The following RIMS1 variants were observed in gnomAD, a reference collection of about 807,000 sequenced individuals.
RIMS1 encodes the protein regulating synaptic membrane exocytosis 1, also known as regulating synaptic membrane exocytosis protein 1.
RIMS1 carries 83 observed loss-of-function variants against 214.1 expected under a neutral mutation model. The ratio of observed to expected loss-of-function variants is 0.39; its 90% confidence interval spans 0.32 to 0.47. The LOEUF (loss-of-function observed/expected upper bound fraction) is 0.47, where lower values mean the gene tolerates loss of function less well. Among genes scored for constraint, RIMS1 ranks in the 20% least tolerant of loss-of-function variants. The pLI, the probability that RIMS1 is intolerant of heterozygous loss-of-function variation, is 0.99. For synonymous variants in RIMS1, 793 were observed against 786.8 expected (o/e 1.01, Z -0.13); for missense variants, 2,050 against 2,161.8 (o/e 0.95, Z 1.03).
intron 22 of RIMS1, among the ~76,000 whole-genome samples, chr6:72,268,346 T>C (rs775650757): frequency 6.6e-6 from 1 of 152,188 alleles, no homozygotes; most frequent in Non-Finnish European, 1.5e-5. Context: ...ATTGTATTAA[T>C]GCCTAATATA....
At chr6:72,241,608 A>C (rs2066951224) in intron 9 of RIMS1, among the ~76,000 whole-genome samples, 1 of 152,102 alleles carries the variant, frequency 6.6e-6, no homozygotes, top group Admixed American at 6.6e-5. Flanking sequence ...GTTATTTTAA[A>C]GTGTGTTCTA....
intron 1 of RIMS1, among the ~76,000 whole-genome samples, chr6:71,949,496 A>G (rs1286632418): frequency 6.6e-6 from 1 of 152,152 alleles, no homozygotes; most frequent in Non-Finnish European, 1.5e-5. Flanking sequence ...AATGTTTCAA[A>G]TTTGTCACTT....
chr6:72,242,348 G>C lies in RIMS1; in HGVS notation c.1992G>C (p.Leu664=), dbSNP rs200595183. 9.6e-6 allele frequency: 15 copies of C among 1,564,508 alleles called. No homozygotes were observed. The highest frequency in any genetic ancestry group is 3.5e-5 in the South Asian group (3 of 84,868). ...TTCTAGAATGGAATGGTAAACCCCT[G>C]CCGGGAGCTACAAATGAAGAAGTTT... ...DEVLEWNGKP[L]PGATNEEVYN... The change falls in exon 10 of 34, where the codon CTG becomes CTC. Residue 664 remains leucine, a synonymous_variant. Transcript: ENST00000521978.
chr6:72,313,559 A>G lies in RIMS1; in HGVS notation c.4017A>G (p.Ser1339=). The change falls in exon 28 of 34, where the codon TCA becomes TCG. Residue 1339 remains serine (S), a synonymous_variant. Transcript: ENST00000521978. Reference sequence around the variant, plus strand: ...GCTGTGATAACGTCTCTGCCAAATCATCAGATAGTGATGTCAGTGATGTTT... The same window carrying G: ...GCTGTGATAACGTCTCTGCCAAATCGTCAGATAGTGATGTCAGTGATGTTT... ...YRSCDNVSAK[S]SDSDVSDVSA... is the part of the protein sequence containing the mutation. The G allele has an allele frequency of 1.2e-6, 2 of 1,613,796 alleles. No individual in the cohort carries two copies. Among genetic ancestry groups the G allele is most frequent in the Non-Finnish European group, 1.7e-6 (2 of 1,179,804 alleles).
intron 29 of RIMS1, among the ~76,000 whole-genome samples, chr6:72,334,476 G>T (rs1184535382): frequency 1.3e-5 from 2 of 151,840 alleles, no homozygotes; most frequent in African/African-American, 4.8e-5. Flanking sequence ...ATACAAAAGG[G>T]AGAGTGGCTA....
intron 19 of RIMS1, chr6:72,263,328 T>C (rs2078901861): frequency 1.0e-6 from 1 of 985,186 alleles, no homozygotes; most frequent in East Asian, 1.1e-4. Flanking sequence ...TATAGTTGCC[T>C]TACTGTATCC....
chr6:72,121,669 G>A (rs542537995), intron 4 of RIMS1, among the ~76,000 whole-genome samples: 10 of 151,870 alleles, frequency 6.6e-5, no homozygotes, highest in Admixed American at 1.3e-4. Flanking sequence ...GATTGCCCTG[G>A]TCAGAACTTC....
intron 1 of RIMS1, among the ~76,000 whole-genome samples, chr6:71,892,953 A>C (rs1361928616): frequency 1.3e-5 from 2 of 152,190 alleles, no homozygotes; most frequent in Non-Finnish European, 2.9e-5. Flanking sequence ...TTGTCAAGAT[A>C]ATCCATCCAA....
chr6:72,272,015 A>G (rs948406336), intron 22 of RIMS1, among the ~76,000 whole-genome samples: 15 of 152,174 alleles, frequency 9.9e-5, no homozygotes. Flanking sequence ...ATGAATTTAG[A>G]ATACCTGATA....
At chr6:72,393,026 A>C (rs1235532997) in intron 31 of RIMS1, among the ~76,000 whole-genome samples, 7 of 151,784 alleles carry the variant, frequency 4.6e-5, no homozygotes, top group Non-Finnish European at 1.5e-5. Context: ...TATTTGAATT[A>C]CCAGAAACCC....
At chr6:72,267,041 C>G (rs1383682425) in intron 22 of RIMS1, among the ~76,000 whole-genome samples, 1 of 151,828 alleles carries the variant, frequency 6.6e-6, no homozygotes. Context: ...GTGTATATAC[C>G]TTGTTTTAGT....
At chr6:72,193,366 A>T (rs1423397561) in intron 6 of RIMS1, among the ~76,000 whole-genome samples, 4 of 152,234 alleles carry the variant, frequency 2.6e-5, no homozygotes, top group Non-Finnish European at 4.4e-5. Context: ...GTTCCTCTTA[A>T]CATAAATGAT....
At chr6:72,005,619 A>G (rs1807209115) in intron 2 of RIMS1, among the ~76,000 whole-genome samples, 1 of 152,334 alleles carries the variant, frequency 6.6e-6, no homozygotes, top group East Asian at 1.9e-4. Flanking sequence ...AGGTACCAGG[A>G]AAGACACTGA....
intron 1 of RIMS1, among the ~76,000 whole-genome samples, chr6:71,955,717 A>T (rs1420575782): frequency 1.3e-5 from 2 of 152,106 alleles, no homozygotes; most frequent in Admixed American, 1.3e-4. Context: ...TGAGTCTAGG[A>T]GTGCATATTT....
At chr6:71,983,526 G>A (rs1799047359) in intron 2 of RIMS1, among the ~76,000 whole-genome samples, 2 of 150,684 alleles carry the variant, frequency 1.3e-5, no homozygotes, top group South Asian at 4.2e-4. Flanking sequence ...TTTTTCTTTT[G>A]AGAAAATTTG....
chr6:72,259,516 C>G (rs2077114537), intron 18 of RIMS1, among the ~76,000 whole-genome samples: 1 of 151,890 alleles, frequency 6.6e-6, no homozygotes, highest in African/African-American at 2.4e-5. Context: ...TGGATACATG[C>G]CATTTGAAAG....
At chr6:72,215,761 G>A (rs1488003353) in intron 6 of RIMS1, among the ~76,000 whole-genome samples, 1 of 152,162 alleles carries the variant, frequency 6.6e-6, no homozygotes, top group Non-Finnish European at 1.5e-5. Flanking sequence ...GATTCTGAGT[G>A]AGACCGTAAA....
rs1344686892 is a variant in RIMS1 at position 72,251,070 on chromosome 6, A to T, written c.2522A>T (p.Glu841Val). ...TVWDQPRVQE[E>V]ESEFLGEILI... is the part of the protein sequence containing the mutation. The stretch of plus-strand genomic sequence containing the variant: ...TGGGACCAACCAAGAGTGCAAGAAG[A>T]AGAAAGTGAATTTCTTGGAGAGGTG... Residue 841 changes from glutamate to valine, a missense_variant, in exon 14 of 34, where the codon GAA becomes GTA. Transcript: ENST00000521978. The T allele has an allele frequency of 8.2e-6, 13 of 1,585,536 alleles. No homozygotes were observed. Among genetic ancestry groups the T allele is most frequent in the Non-Finnish European group, 1.1e-5 (13 of 1,164,744 alleles).
chr6:71,989,220 T>G, intron 2 of RIMS1, among the ~76,000 whole-genome samples: 1 of 152,208 alleles, frequency 6.6e-6, no homozygotes, highest in East Asian at 1.9e-4. Flanking sequence ...CTAATTAAAC[T>G]GACTCAAATT....
Sources: allele counts gnomAD v4.1 joint callset (sites outside exome capture counted in the v4.1 genomes callset), GRCh38; gene constraint gnomAD v4.1.1; transcripts MANE v1.5; gene names NCBI Gene and HGNC (gene_info 2026-07-23, HGNC 2026-07-21).